SLC47A2: variants seen among roughly 807,000 people sequenced by gnomAD.
SLC47A2 encodes the protein solute carrier family 47 member 2.
A neutral mutation model predicts 67.7 loss-of-function variants in SLC47A2; 52 were observed. That is an observed-to-expected ratio of 0.77 (90% confidence interval 0.61 to 0.97). The LOEUF is 0.97. SLC47A2 is among the 50% of genes least tolerant of loss of function. The probability of loss-of-function intolerance (pLI) is 0.00; values close to 1 mark genes in which losing one functional copy is unlikely to be tolerated. For missense variants in SLC47A2, 676 were observed against 712.3 expected (o/e 0.95, Z 0.58); for synonymous variants, 278 against 292.9 (o/e 0.95, Z 0.52).
intron 13 of SLC47A2, among the ~76,000 whole-genome samples, chr17:19,700,572 A>G (rs1367088687): frequency 6.6e-6 from 1 of 152,142 alleles, no homozygotes; most frequent in Non-Finnish European, 1.5e-5. Flanking sequence ...ACTAGCCTGG[A>G]CAACATGGCA....
chr17:19,682,329 TCACA>T (rs376421449), intron 13 of SLC47A2, among the ~76,000 whole-genome samples: 1,986 of 143,862 alleles, frequency 0.014, 36 homozygotes, highest in African/African-American at 0.047. Context: ...CGAGACTTGG[TCACA>T]CACACACACA....
Position 19,704,261 on chromosome 17 carries a change from C to T in SLC47A2, c.910-83G>A, listed in dbSNP as rs2085867077. On this transcript the variant is annotated intron_variant, in intron 10 of 16. Transcript: ENST00000433844. ...CTGAGCCAGCCTGGGCCAAGAGGGA[C>T]GTGAGCGGGAAGGCAGAGCAGATCT... 5 of 1,136,066 alleles carry T rather than the reference C, an allele frequency of 4.4e-6. No individual in the cohort carries two copies. In the Middle Eastern group the frequency reaches 6.1e-4, roughly 138 times the overall value. The allele number at this position is 1,136,066 out of a possible 1,614,324, so 70.4% of individuals were successfully genotyped here.
Position 19,694,831 on chromosome 17 carries a change from G to A in SLC47A2, c.1164+7774C>T, listed in dbSNP as rs141949309. On this transcript the variant is annotated intron_variant, in intron 13 of 16. Transcript: ENST00000433844. ...CTCAGGAGGCTGAGGCAGAAGAATC[G>A]CTTGAACCCGGGAGGCAGAGGTTGC... 2.7e-4 allele frequency among the ~76,000 whole-genome samples: 41 copies of A among 151,162 alleles called. No individual in the cohort carries two copies. The East Asian group carries it at 3.7e-3, about 14-fold the overall frequency.
At chr17:19,710,470 T>TA (rs1555542504) in intron 5 of SLC47A2, among the ~76,000 whole-genome samples, 1 of 151,634 alleles carries the variant, frequency 6.6e-6, no homozygotes, top group South Asian at 2.1e-4. Context: ...CTTTTTTTTT[T>TA]AGACAGAGTT....
At chr17:19,692,762 C>G (rs1354669357) in intron 13 of SLC47A2, among the ~76,000 whole-genome samples, 1 of 152,154 alleles carries the variant, frequency 6.6e-6, no homozygotes, top group African/African-American at 2.4e-5. Context: ...CTCATGAACA[C>G]AGACTCAGAA....
chr17:19,681,328 G>T, intron 15 of SLC47A2, 39 bp downstream of exon 15: 1 of 1,526,040 alleles, frequency 6.6e-7, no homozygotes, highest in Non-Finnish European at 8.9e-7. Flanking sequence ...GGGGTCAGGT[G>T]CAGGGTGTCT....
upstream of SLC47A2, chr17:19,716,731 G>T: frequency 1.0e-6 from 1 of 961,080 alleles, no homozygotes; most frequent in Non-Finnish European, 1.5e-6. Context: ...CTAGGGCACT[G>T]AGTCCCTGCT....
chr17:19,706,039 G>A (rs564693985), intron 9 of SLC47A2, among the ~76,000 whole-genome samples: 12 of 152,204 alleles, frequency 7.9e-5, no homozygotes, highest in Non-Finnish European at 1.3e-4. Flanking sequence ...ATGAACTCAG[G>A]GTGGCAGTGT....
intron 13 of SLC47A2, among the ~76,000 whole-genome samples, chr17:19,687,446 G>A (rs1176132413): frequency 3.3e-5 from 5 of 151,862 alleles, no homozygotes; most frequent in Non-Finnish European, 7.4e-5. Context: ...CAGAAACATA[G>A]AAAAGCAAGA....
intron 5 of SLC47A2, among the ~76,000 whole-genome samples, chr17:19,712,409 G>A (rs1373307954): frequency 1.3e-5 from 2 of 152,166 alleles, no homozygotes; most frequent in African/African-American, 4.8e-5. Context: ...ATCCTGGAGA[G>A]AGATAGTAAC....
intron 15 of SLC47A2, among the ~76,000 whole-genome samples, chr17:19,680,744 G>A (rs1318670597): frequency 1.3e-5 from 2 of 151,870 alleles, no homozygotes; most frequent in Admixed American, 1.3e-4. Flanking sequence ...CAAGGCACAC[G>A]CTCGGGGGTT....
chr17:19,690,076 C>G (rs576443198), intron 13 of SLC47A2, among the ~76,000 whole-genome samples: 6 of 152,098 alleles, frequency 3.9e-5, no homozygotes, highest in Admixed American at 2.6e-4. Context: ...AATAGACACA[C>G]AGACTAATGG....
chr17:19,708,552 G>C (rs575127995), intron 6 of SLC47A2, 153 bp from the exon 7 acceptor site: 73 of 1,610,078 alleles, frequency 4.5e-5, no homozygotes, highest in Non-Finnish European at 5.5e-5. Context: ...CCTCTCACCT[G>C]CCTCTGTGCG....
Position 19,707,826 on chromosome 17 carries a change from T to A in SLC47A2, c.647A>T (p.Asn216Ile). The A allele has an allele frequency of 6.2e-7, 1 of 1,601,154 alleles. No individual in the cohort carries two copies. Among genetic ancestry groups the A allele is most frequent in the Non-Finnish European group, 8.5e-7 (1 of 1,174,022 alleles). ...GGTCTGTGCAAACTGGGAGATGATG[T>A]TGGCATAGGCGGAGCCCCTGGGTAA... ...NLGVRGSAYA[N>I]IISQFAQTVF... Residue 216 changes from asparagine to isoleucine, a missense_variant, in exon 8 of 17, where the codon AAC becomes ATC. Transcript: ENST00000433844.
chr17:19,680,065 T>G, intron 15 of SLC47A2, 26 bp from the exon 16 acceptor site: 1 of 1,608,834 alleles, frequency 6.2e-7, no homozygotes, highest in Non-Finnish European at 8.5e-7. Context: ...CTCAATTGGG[T>G]CAACCTGCCA....
rs544808751 is a variant in SLC47A2, at chr17:19,695,387, T to A, written c.1164+7218A>T. Among the ~76,000 whole-genome samples the A allele has an allele frequency of 4.7e-4, 71 of 150,678 alleles. 2 individuals carry two copies. In the South Asian group the frequency reaches 0.015, roughly 32 times the overall value. ...CTGTAATCCCAGCACTTTGGGAGGCTGAGGTGGGAGAATGGTCTGAGCCCA... is the reference window on the plus strand; with the variant it reads ...CTGTAATCCCAGCACTTTGGGAGGCAGAGGTGGGAGAATGGTCTGAGCCCA... On this transcript the variant is annotated intron_variant, in intron 13 of 16. Transcript: ENST00000433844.
At chr17:19,693,898 T>C (rs2085601554) in intron 13 of SLC47A2, among the ~76,000 whole-genome samples, 1 of 151,944 alleles carries the variant, frequency 6.6e-6, no homozygotes, top group Admixed American at 6.6e-5. Context: ...ATGTAGAAAA[T>C]CTTAAGGAGC....
chr17:19,694,680 G>T (rs1373953026), intron 13 of SLC47A2, among the ~76,000 whole-genome samples: 1 of 152,156 alleles, frequency 6.6e-6, no homozygotes, highest in Non-Finnish European at 1.5e-5. Context: ...CACTTTGGGA[G>T]GCCAAGGCGG....
At chr17:19,707,399 T>C (rs1432777185) in intron 8 of SLC47A2, among the ~76,000 whole-genome samples, 1 of 152,164 alleles carries the variant, frequency 6.6e-6, no homozygotes, top group Non-Finnish European at 1.5e-5. Flanking sequence ...GGGGTGAGGT[T>C]TAAATGAATT....
Sources: gnomAD v4.1 joint callset for allele counts (sites outside exome capture counted in the v4.1 genomes callset) on GRCh38, gnomAD v4.1.1 for gene constraint, MANE v1.5 for transcripts, NCBI Gene and HGNC (gene_info 2026-07-23, HGNC 2026-07-21) for gene names.